BCOR: variants seen among roughly 807,000 people sequenced by gnomAD.
The protein encoded by BCOR is BCL-6 corepressor.
Under a neutral mutation model 86.7 loss-of-function variants are expected in BCOR, and 10 were observed. That is an observed-to-expected ratio of 0.12 (90% confidence interval 0.07 to 0.20). The LOEUF (loss-of-function observed/expected upper bound fraction) is 0.20, where lower values mean the gene tolerates loss of function less well. BCOR is among the 10% of genes least tolerant of loss of function. The pLI, the probability that BCOR is intolerant of heterozygous loss-of-function variation, is 1.00. For missense variants in BCOR, 1,259 were observed against 1,452.1 expected, an observed-to-expected ratio of 0.87 and a Z score of 2.16; for synonymous variants, 611 against 609.0, an observed-to-expected ratio of 1.00 and a Z score of -0.05.
intron 1 of BCOR, among the ~76,000 whole-genome samples, chrX:40,134,953 G>A (rs1937649080): frequency 9.0e-6 from 1 of 111,698 alleles, no homozygotes; most frequent in African/African-American, 3.3e-5. Flanking sequence ...AAAGGGAAGG[G>A]CTAGGTTCCA....
At chrX:40,135,514 C>G (rs1211605202) in intron 1 of BCOR, among the ~76,000 whole-genome samples, 1 of 110,941 alleles carries the variant, frequency 9.0e-6, no homozygotes, top group African/African-American at 3.3e-5. Flanking sequence ...CTCAGCCTCC[C>G]GAGTACCTGG....
chrX:40,119,021 CAG>C (rs1206663771), intron 1 of BCOR, among the ~76,000 whole-genome samples: 48 of 111,077 alleles, frequency 4.3e-4, no homozygotes, highest in African/African-American at 1.5e-3. Context: ...TTAGTAGAGA[CAG>C]GGTTTTGCCA....
At chrX:40,157,688 C>T (rs1335536838) in intron 1 of BCOR, among the ~76,000 whole-genome samples, 1 of 111,984 alleles carries the variant, frequency 8.9e-6, no homozygotes, top group Non-Finnish European at 1.9e-5. Flanking sequence ...CCTGCATTAG[C>T]TGCTCCCTTT....
chrX:40,052,014 T>A lies in BCOR; in HGVS notation c.*95A>T. On this transcript the variant is annotated 3_prime_UTR_variant, in exon 15 of 15. Coordinates refer to ENST00000378444, the MANE Select transcript of BCOR (RefSeq NM_001123385.2). ...TATAAAGAAGAGATATTTTCATATG[T>A]AATAGTGTCCTTTCTTTACAGAAAT... 1.2e-6 allele frequency: 1 copy of A among 806,550 alleles called. No individual in the cohort carries two copies. The highest frequency in any genetic ancestry group is 3.5e-5 in the South Asian group (1 of 28,946). The allele number at this position is 806,550 out of a possible 1,213,427, so 66.5% of individuals were successfully genotyped here.
chrX:40,064,268 T>C (rs1935070646), intron 7 of BCOR, 68 bp downstream of exon 7: 1 of 1,198,209 alleles, frequency 8.3e-7, no homozygotes, highest in Non-Finnish European at 1.1e-6. Flanking sequence ...CCACATCTCC[T>C]GTCCATCCAC....
chrX:40,151,483 G>A (rs901800975), intron 1 of BCOR, among the ~76,000 whole-genome samples: 1 of 112,899 alleles, frequency 8.9e-6, no homozygotes, highest in African/African-American at 3.2e-5. Flanking sequence ...CCCGAGCCTT[G>A]GATTCTGGCA....
chrX:40,096,144 G>A (rs1262877480), intron 1 of BCOR, among the ~76,000 whole-genome samples: 1 of 112,945 alleles, frequency 8.9e-6, no homozygotes, highest in African/African-American at 3.2e-5. Context: ...TTGCCCCGGT[G>A]CGCAAGTTCC....
At chrX:40,063,095 G>T (rs1602125522) in intron 8 of BCOR, 24 bp from the exon 9 acceptor site, 1 of 1,031,134 alleles carries the variant, frequency 9.7e-7, no homozygotes, top group Non-Finnish European at 1.3e-6. Context: ...GGGTGACGGG[G>T]TGGCGGGCGG....
chrX:40,157,408 G>A (rs968514485), intron 1 of BCOR, among the ~76,000 whole-genome samples: 4 of 112,388 alleles, frequency 3.6e-5, no homozygotes, highest in Admixed American at 2.8e-4. Flanking sequence ...AGGGCCTGCA[G>A]AAGGAAGTAA....
intron 1 of BCOR, among the ~76,000 whole-genome samples, chrX:40,129,724 G>A (rs1321138292): frequency 2.5e-5 from 2 of 79,096 alleles, no homozygotes; most frequent in Non-Finnish European, 4.3e-5. Flanking sequence ...CTTGGGAGCA[G>A]GAGTGGTGGC....
At chrX:40,064,143 G>GA (rs1017938272) in intron 7 of BCOR, among the ~76,000 whole-genome samples, 191 bp from the exon 8 acceptor site, 9 of 110,301 alleles carry the variant, frequency 8.2e-5, no homozygotes, top group Non-Finnish European at 1.5e-4. Context: ...TCCCCCCGGG[G>GA]GCTCCAGGGT....
chrX:40,126,531 AAAAAAAG>A (rs1482055317), intron 1 of BCOR, among the ~76,000 whole-genome samples: 13 of 110,624 alleles, frequency 1.2e-4, no homozygotes, highest in African/African-American at 4.3e-4. Context: ...TCAAAAAAAA[AAAAAAAG>A]AAAAGAAAAG....
chrX:40,171,962 G>C (rs1416582303), intron 1 of BCOR, among the ~76,000 whole-genome samples: 2 of 112,754 alleles, frequency 1.8e-5, no homozygotes, highest in East Asian at 2.8e-4. Flanking sequence ...TCTCAACGCC[G>C]GCAAGTGCAG....
chrX:40,089,834 G>A (rs1352293356), intron 1 of BCOR, among the ~76,000 whole-genome samples: 2 of 111,800 alleles, frequency 1.8e-5, no homozygotes, highest in African/African-American at 6.5e-5. Flanking sequence ...ACCTTTCCTA[G>A]GATTTAAAGG....
chrX:40,144,493 T>G (rs1007945630), intron 1 of BCOR, among the ~76,000 whole-genome samples: 2 of 111,931 alleles, frequency 1.8e-5, no homozygotes, highest in Middle Eastern at 4.6e-3. Flanking sequence ...GTTAGGTGGA[T>G]CATTGCGGGG....
Position 40,072,454 on chromosome X carries a change from C to G in BCOR, c.2892G>C (p.Lys964Asn). The change falls in exon 4 of 15, where the codon AAG becomes AAC. Residue 964 changes from lysine (K) to asparagine (N), a missense_variant. This residue lies in a region of BCOR where 56 missense variants were observed against 106.6 expected (regional missense o/e 0.53). Transcript: ENST00000378444. The stretch of plus-strand genomic sequence containing the variant: ...CGTAACCCGCTGAGTTGGCGATTCT[C>G]TTTGCCAGCTTAGATGGCTTCGGTT... ...VLKPKPSKLAKRIANSAGYVG... is the reference protein window; with the variant it reads ...VLKPKPSKLANRIANSAGYVG... 2.5e-6 allele frequency: 3 copies of G among 1,211,520 alleles called. No individual in the cohort carries two copies. Among genetic ancestry groups the G allele is most frequent in the Non-Finnish European group, 3.4e-6 (3 of 895,262 alleles).
Position 40,130,814 on chromosome X carries a change from G to A in BCOR, c.-41+46193C>T, listed in dbSNP as rs185419231. On this transcript the variant is annotated intron_variant, in intron 1 of 14. Coordinates refer to the BCOR transcript ENST00000342274. ...CTCCCTCTTGTGTCCTGCCTTCCAA[G>A]GGTACCCTATTTGGCAAATCCTACC... 2.9e-3 allele frequency among the ~76,000 whole-genome samples: 327 copies of A among 111,629 alleles called. 2 individuals are homozygous for A. Among genetic ancestry groups the A allele is most frequent in the Admixed American group, 6.9e-3 (73 of 10,569 alleles).
rs1399186673 is a variant in BCOR, at chrX:40,072,551, C to T, written c.2795G>A (p.Ser932Asn). 8.3e-7 allele frequency: 1 copy of T among 1,212,039 alleles called. No homozygotes were observed. Among genetic ancestry groups the T allele is most frequent in the Non-Finnish European group, 1.1e-6 (1 of 895,538 alleles). The change falls in exon 4 of 15, where the codon AGT (serine) becomes AAT (asparagine). Residue 932 changes from serine (S) to asparagine (N), a missense_variant. Coordinates refer to ENST00000378444, the MANE Select transcript of BCOR (RefSeq NM_001123385.2). ...KPFCVGSAPP[S>N]VDVTPTYTKD... is the part of the protein sequence containing the mutation. ...GGTATAGGTGGGGGTCACATCCACA[C>T]TTGGTGGGGCACTGCCCACACAAAA...
chrX:40,170,186 CCAA>C (rs1181366321), intron 1 of BCOR, among the ~76,000 whole-genome samples: 1 of 111,769 alleles, frequency 8.9e-6, no homozygotes, highest in African/African-American at 3.3e-5. Context: ...ACCCCAGACG[CCAA>C]CAACACCTTG....
Sources: gnomAD v4.1 joint callset for allele counts (sites outside exome capture counted in the v4.1 genomes callset) on GRCh38, gnomAD v4.1.1 for gene constraint, gnomAD v4.1.1 regional missense constraint, MANE v1.5 for transcripts, NCBI Gene and HGNC (gene_info 2026-07-23, HGNC 2026-07-21) for gene names.